Variants in VPS13A observed in about 807,000 individuals in gnomAD.
VPS13A encodes the protein vacuolar protein sorting 13 homolog A, also known as intermembrane lipid transfer protein VPS13A.
Under a neutral mutation model 390.9 loss-of-function variants are expected in VPS13A, and 264 were observed. That is an observed-to-expected ratio of 0.68 (90% CI 0.61 to 0.75). The LOEUF is 0.75. Ranked by LOEUF, VPS13A falls within the 30% of genes least tolerant of loss-of-function variation. The pLI is 0.00. For synonymous variants in VPS13A, 1,231 were observed against 1,227.1 expected (o/e 1.00, Z -0.07); for missense variants, 3,409 against 3,733.9 (o/e 0.91, Z 2.27).
chr9:77,308,383 C>G (rs934377870), intron 35 of VPS13A, among the ~76,000 whole-genome samples: 1 of 151,780 alleles, frequency 6.6e-6, no homozygotes. Context: ...TAACAAAATT[C>G]CTCAGTATAT....
At chr9:77,294,765 C>T (rs1201898125) in intron 32 of VPS13A, among the ~76,000 whole-genome samples, 1 of 152,094 alleles carries the variant, frequency 6.6e-6, no homozygotes, top group East Asian at 1.9e-4. Flanking sequence ...AGTGCAGTGG[C>T]GTGCTCCTAG....
intron 47 of VPS13A, chr9:77,338,722 C>G (rs1275769088): frequency 6.6e-6 from 1 of 152,038 alleles, no homozygotes; most frequent in African/African-American, 2.4e-5. Flanking sequence ...TGAAGAGATT[C>G]CTATATTATA....
chr9:77,179,997 T>C (rs1454596107), intron 1 of VPS13A, among the ~76,000 whole-genome samples: 1 of 152,198 alleles, frequency 6.6e-6, no homozygotes, highest in East Asian at 1.9e-4. Flanking sequence ...TTTAACCTAA[T>C]GTATTTTCAA....
intron 35 of VPS13A, among the ~76,000 whole-genome samples, chr9:77,312,422 A>AT (rs1224420510): frequency 5.0e-5 from 7 of 140,396 alleles, no homozygotes; most frequent in Non-Finnish European, 7.9e-5. Flanking sequence ...TTGTTCATAT[A>AT]ATTTTTTTTT....
At position 77,353,392 on chromosome 9, in the gene VPS13A, T is replaced by C; in HGVS notation, c.7420-17T>C. 2 of 1,548,100 alleles carry C rather than the reference T, an allele frequency of 1.3e-6. No homozygotes were observed. The highest frequency in any genetic ancestry group is 4.5e-5 in the East Asian group (2 of 44,332). On this transcript the variant is annotated splice_polypyrimidine_tract_variant and intron_variant, in intron 53 of 71. Transcript: ENST00000360280. ...TAATTTTTTGGTTTTTTTTTTTTTT[T>C]GGTGGTTTTATTCTAGGATATGATG...
intron 59 of VPS13A, among the ~76,000 whole-genome samples, chr9:77,363,812 T>G (rs1832284835): frequency 6.6e-6 from 1 of 152,198 alleles, no homozygotes; most frequent in African/African-American, 2.4e-5. Flanking sequence ...TAAGTGAAAT[T>G]AGTTCCTTTG....
intron 46 of VPS13A, among the ~76,000 whole-genome samples, chr9:77,332,786 G>A (rs1028452719): frequency 3.3e-5 from 5 of 152,126 alleles, no homozygotes; most frequent in African/African-American, 1.2e-4. Flanking sequence ...ATTAAGCATT[G>A]TAGTTTGTTT....
chr9:77,409,260 A>AAT (rs1403848337), intron 71 of VPS13A, among the ~76,000 whole-genome samples: 1 of 152,234 alleles, frequency 6.6e-6, no homozygotes. Flanking sequence ...AAGGAAAACT[A>AAT]ATAAACAGAA....
At chr9:77,362,632 C>G (rs956477805) in intron 59 of VPS13A, among the ~76,000 whole-genome samples, 1 of 152,188 alleles carries the variant, frequency 6.6e-6, no homozygotes. Flanking sequence ...TTAGAATCAA[C>G]TTGTCAGGTT....
rs531670125 is a variant in VPS13A at position 77,356,826 on chromosome 9, C to T, written c.7765C>T (p.Pro2589Ser). ...ATTTAAGGAATATACTGAATCTTCT[C>T]CTTCAGAAGATAAGGTTATTCAGTT... ...REFKEYTESSPSEDKVIQLDT... is the reference protein window; with the variant it reads ...REFKEYTESSSSEDKVIQLDT... The change falls in exon 55 of 72, where the codon CCT becomes TCT. Residue 2589 changes from proline to serine, a missense_variant. Physicochemically the swap from Pro to Ser is moderately conservative, Grantham distance 74. Around this residue, in one of 5 missense-constraint regions of VPS13A, gnomAD observed 221 missense variants for 300.7 expected, o/e 0.73. Transcript: ENST00000360280. The T allele has an allele frequency of 1.7e-5, 27 of 1,613,636 alleles. No individual in the cohort carries two copies. In the South Asian group the frequency reaches 2.3e-4, roughly 14 times the overall value.
chr9:77,266,101 T>G (rs1307679937), intron 23 of VPS13A, among the ~76,000 whole-genome samples: 1 of 152,174 alleles, frequency 6.6e-6, no homozygotes, highest in African/African-American at 2.4e-5. Context: ...GTTGTGCGGT[T>G]TTGAGTGAGT....
intron 67 of VPS13A, among the ~76,000 whole-genome samples, chr9:77,377,209 T>TG (rs2131602941): frequency 9.4e-6 from 1 of 105,940 alleles, no homozygotes; most frequent in Non-Finnish European, 2.0e-5. Context: ...TGCTGTTTTT[T>TG]TTTTTTTTTT....
intron 40 of VPS13A, 131 bp from the exon 41 acceptor site, chr9:77,318,100 CAATA>C (rs1829513991): frequency 5.7e-6 from 3 of 525,328 alleles, no homozygotes; most frequent in South Asian, 4.6e-5. Flanking sequence ...ATTTTATAAA[CAATA>C]AATTGTATCT....
rs1829385724 is a variant in VPS13A, at chr9:77,316,315, T to C, written c.4772T>C (p.Leu1591Pro). ...TQCEICYKGN[L>P]ENSTMTAAIK... ...TGTGAAATTTGCTATAAAGGTAACC[T>C]TGAAAATAGTACAATGACTGCTGCC... Residue 1591 changes from leucine (L) to proline (P), a missense_variant, in exon 39 of 72, where the codon CTT becomes CCT. Around this residue, in one of 5 missense-constraint regions of VPS13A, gnomAD observed 2,717 missense variants for 2,917.4 expected, o/e 0.93. Coordinates refer to ENST00000360280, the MANE Select transcript of VPS13A (RefSeq NM_033305.3). The C allele has an allele frequency of 6.2e-7, 1 of 1,613,302 alleles. No individual in the cohort carries two copies. The highest frequency in any genetic ancestry group is 2.2e-5 in the East Asian group (1 of 44,810).
In VPS13A at chr9:77,221,189, G is replaced by A. The variant is rs538429825; in HGVS notation, c.994G>A (p.Ala332Thr). 5 of 1,613,154 alleles carry A rather than the reference G, an allele frequency of 3.1e-6. No individual in the cohort carries two copies. The highest frequency in any genetic ancestry group is 2.7e-5 in the African/African-American group (2 of 74,982). The part of the protein sequence containing the change: ...PLHHHAREWW[A>T]YAIHGVLEVN... ...TGTTTTTCTTTTTTTAACTAGGTGG[G>A]CTTATGCTATACATGGCGTTCTTGA... is the stretch of plus-strand genomic sequence containing the variant. Residue 332 changes from alanine to threonine, a missense_variant, in exon 13 of 72, where the codon GCT (alanine) becomes ACT (threonine). Physicochemically the swap from Ala to Thr is moderately conservative, Grantham distance 58. Transcript: ENST00000360280.
At chr9:77,257,796 T>C (rs1022771045) in intron 22 of VPS13A, among the ~76,000 whole-genome samples, 1 of 152,130 alleles carries the variant, frequency 6.6e-6, no homozygotes, top group African/African-American at 2.4e-5. Flanking sequence ...TTAGCTTCAA[T>C]TGCATGCAAA....
rs1226523824 is a variant in VPS13A at position 77,379,059 on chromosome 9, T to G, written c.9078-2917T>G. ...GGTCAGGTATCATACTTGTATATTT[T>G]CAGTCCTTTTTTTTTTTTTTTTTTT... is the stretch of plus-strand genomic sequence containing the variant. On this transcript the variant is annotated intron_variant, in intron 67 of 71. Coordinates refer to ENST00000360280, the MANE Select transcript of VPS13A (RefSeq NM_033305.3). Among the ~76,000 whole-genome samples the G allele has an allele frequency of 5.4e-5, 8 of 148,430 alleles. 1 individual carries two copies. In the East Asian group the frequency reaches 1.4e-3, roughly 26 times the overall value.
chr9:77,284,761 T>G (rs1827236810), intron 31 of VPS13A, among the ~76,000 whole-genome samples: 1 of 152,078 alleles, frequency 6.6e-6, no homozygotes, highest in Non-Finnish European at 1.5e-5. Flanking sequence ...TGGAGTGCAG[T>G]GGCGCAGTCT....
intron 25 of VPS13A, 26 bp downstream of exon 25, chr9:77,275,678 G>A: frequency 6.2e-7 from 1 of 1,603,822 alleles, no homozygotes; most frequent in Non-Finnish European, 8.5e-7. Flanking sequence ...AAATTAACAT[G>A]GCTTAATTTG....
Sources: gnomAD v4.1 joint callset for allele counts (sites outside exome capture counted in the v4.1 genomes callset) on GRCh38, gnomAD v4.1.1 for gene constraint, gnomAD v4.1.1 regional missense constraint, MANE v1.5 for transcripts, NCBI Gene and HGNC (gene_info 2026-07-23, HGNC 2026-07-21) for gene names.